CDK6: variants seen among roughly 807,000 people sequenced by gnomAD.
CDK6 encodes the protein cyclin-dependent kinase 6.
A neutral mutation model predicts 37.1 loss-of-function variants in CDK6; 6 were observed. The ratio of observed to expected loss-of-function variants is 0.16; its 90% CI spans 0.09 to 0.32. CDK6 has a LOEUF of 0.32. CDK6 is among the 10% of genes least tolerant of loss of function. The pLI is 1.00. For synonymous variants in CDK6, 160 were observed against 161.3 expected (o/e 0.99, Z 0.06); for missense variants, 224 against 418.9 (o/e 0.53, Z 4.06).
At chr7:92,642,559 T>G (rs182566859) in intron 5 of CDK6, among the ~76,000 whole-genome samples, 1 of 152,254 alleles carries the variant, frequency 6.6e-6, no homozygotes, top group African/African-American at 2.4e-5. Flanking sequence ...TCTAGAAAAG[T>G]GATACACCAA....
intron 4 of CDK6, among the ~76,000 whole-genome samples, chr7:92,689,249 C>A (rs1400584782): frequency 6.6e-6 from 1 of 152,110 alleles, no homozygotes; most frequent in Non-Finnish European, 1.5e-5. Context: ...CTTCTTCGCA[C>A]CCTCCACCCT....
intron 1 of CDK6, among the ~76,000 whole-genome samples, chr7:92,836,161 T>C (rs1801665974): frequency 1.3e-5 from 2 of 152,008 alleles, no homozygotes; most frequent in African/African-American, 4.8e-5. Flanking sequence ...ATGAGGCGTG[T>C]TCCGTGTGGG....
intron 2 of CDK6, among the ~76,000 whole-genome samples, chr7:92,820,001 G>A (rs866511545): frequency 2.6e-5 from 4 of 151,744 alleles, no homozygotes; most frequent in African/African-American, 4.8e-5. Flanking sequence ...AAAATAAAAC[G>A]AAGCAAATCT....
chr7:92,711,252 T>C (rs1272242501), intron 4 of CDK6, among the ~76,000 whole-genome samples: 2 of 152,170 alleles, frequency 1.3e-5, no homozygotes, highest in Non-Finnish European at 2.9e-5. Context: ...TATGTAAATT[T>C]ACACAGTGAA....
chr7:92,667,603 G>A (rs1040599772), intron 5 of CDK6, among the ~76,000 whole-genome samples: 3 of 150,666 alleles, frequency 2.0e-5, no homozygotes, highest in Non-Finnish European at 4.4e-5. Flanking sequence ...AGGCTGGAGT[G>A]CAGTGGTGTG....
At chr7:92,734,952 T>G (rs1359849546) in intron 3 of CDK6, among the ~76,000 whole-genome samples, 1 of 152,198 alleles carries the variant, frequency 6.6e-6, no homozygotes, top group Non-Finnish European at 1.5e-5. Context: ...TCAAGAGACA[T>G]GGATTTCAGC....
intron 2 of CDK6, among the ~76,000 whole-genome samples, chr7:92,804,001 C>T (rs777468954): frequency 5.3e-5 from 8 of 152,324 alleles, no homozygotes; most frequent in Non-Finnish European, 8.8e-5. Flanking sequence ...AGAGTCACTT[C>T]TCCACTGGTT....
intron 2 of CDK6, among the ~76,000 whole-genome samples, chr7:92,776,712 T>C (rs1315932557): frequency 6.6e-6 from 1 of 152,270 alleles, no homozygotes; most frequent in Non-Finnish European, 1.5e-5. Context: ...ATGTCTTCTT[T>C]TGAGAAAATG....
At chr7:92,707,520 T>G (rs1334097603) in intron 4 of CDK6, among the ~76,000 whole-genome samples, 3 of 152,142 alleles carry the variant, frequency 2.0e-5, no homozygotes, top group Non-Finnish European at 4.4e-5. Context: ...AACACTTGAA[T>G]CAATTCAAGA....
At chr7:92,666,329 G>T (rs1257662803) in intron 5 of CDK6, among the ~76,000 whole-genome samples, 2 of 152,148 alleles carry the variant, frequency 1.3e-5, no homozygotes. Context: ...TCTCTACTAG[G>T]ATTTAAGTCA....
chr7:92,655,574 T>C (rs1796676677), intron 5 of CDK6, among the ~76,000 whole-genome samples: 1 of 152,256 alleles, frequency 6.6e-6, no homozygotes, highest in Non-Finnish European at 1.5e-5. Context: ...TGTCAAATTA[T>C]TACAATTAAA....
intron 4 of CDK6, chr7:92,710,636 T>G: frequency 1.1e-6 from 1 of 911,420 alleles, no homozygotes; most frequent in Non-Finnish European, 1.3e-6. Flanking sequence ...GAAAAAAATC[T>G]GAAGATTCTA....
At chr7:92,774,350 CAGA>C (rs1034285567) in intron 3 of CDK6, among the ~76,000 whole-genome samples, 2 of 152,152 alleles carry the variant, frequency 1.3e-5, no homozygotes, top group African/African-American at 4.8e-5. Context: ...AATAAACCAT[CAGA>C]AGAAGACTGA....
chr7:92,821,172 C>T (rs992482591), intron 2 of CDK6, among the ~76,000 whole-genome samples: 11 of 152,094 alleles, frequency 7.2e-5, no homozygotes, highest in Admixed American at 3.3e-4. Context: ...AGCTTTGATG[C>T]TGAAAGGGAA....
At chr7:92,717,300 C>G (rs929725071) in intron 4 of CDK6, among the ~76,000 whole-genome samples, 2 of 151,444 alleles carry the variant, frequency 1.3e-5, no homozygotes, top group Admixed American at 1.3e-4. Context: ...TATGACTGTG[C>G]CATTGCACTC....
chr7:92,808,135 CTTT>C (rs1244215276), intron 2 of CDK6, among the ~76,000 whole-genome samples: 5 of 152,146 alleles, frequency 3.3e-5, no homozygotes, highest in Non-Finnish European at 7.4e-5. Context: ...TATTTTTCTT[CTTT>C]ATGTTTAGTG....
intron 2 of CDK6, among the ~76,000 whole-genome samples, chr7:92,807,086 T>C (rs1372952416): frequency 6.6e-6 from 1 of 152,224 alleles, no homozygotes; most frequent in Non-Finnish European, 1.5e-5. Flanking sequence ...GTTCACCACC[T>C]GTCCTCTGTT....
At chr7:92,803,013 T>G (rs180832882) in intron 2 of CDK6, among the ~76,000 whole-genome samples, 1 of 152,322 alleles carries the variant, frequency 6.6e-6, no homozygotes, top group Admixed American at 6.5e-5. Context: ...TCTTACAGTT[T>G]TTCAAATATG....
intron 5 of CDK6, among the ~76,000 whole-genome samples, chr7:92,638,464 C>G (rs1055471311): frequency 2.6e-5 from 4 of 152,148 alleles, no homozygotes; most frequent in Non-Finnish European, 4.4e-5. Context: ...TCTGCCAATG[C>G]CCAGATAGAA....
Sources: gnomAD v4.1 joint callset for allele counts (sites outside exome capture counted in the v4.1 genomes callset) on GRCh38, gnomAD v4.1.1 for gene constraint, MANE v1.5 for transcripts, NCBI Gene and HGNC (gene_info 2026-07-23, HGNC 2026-07-21) for gene names.